The following TOP2B variants were observed in gnomAD, a reference collection of about 807,000 sequenced individuals.
The protein encoded by TOP2B is DNA topoisomerase II beta.
Under a neutral mutation model 193.5 loss-of-function variants are expected in TOP2B, and 51 were observed. The ratio of observed to expected loss-of-function variants is 0.26; its 90% CI spans 0.21 to 0.33. TOP2B has a LOEUF of 0.33. Among genes scored for constraint, TOP2B ranks in the 10% least tolerant of loss-of-function variants. The pLI is 1.00. For missense variants in TOP2B, 1,378 were observed against 1,909.3 expected, an observed-to-expected ratio of 0.72 and a Z score of 5.19; for synonymous variants, 634 against 635.7, an observed-to-expected ratio of 1.00 and a Z score of 0.04.
At chr3:25,641,206 A>C (rs1703253413) in intron 4 of TOP2B, among the ~76,000 whole-genome samples, 1 of 151,946 alleles carries the variant, frequency 6.6e-6, no homozygotes, top group African/African-American at 2.4e-5. Flanking sequence ...AAAAGAACTA[A>C]ACAATTGCAA....
At chr3:25,601,483 G>C (rs1471370992) in intron 33 of TOP2B, among the ~76,000 whole-genome samples, 1 of 152,168 alleles carries the variant, frequency 6.6e-6, no homozygotes, top group East Asian at 1.9e-4. Flanking sequence ...GCCAGGTGTG[G>C]TGGCAGATGC....
chr3:25,649,454 T>C (rs1465504643), intron 1 of TOP2B, among the ~76,000 whole-genome samples: 2 of 152,000 alleles, frequency 1.3e-5, no homozygotes, highest in East Asian at 3.9e-4. Context: ...ATAATTATAC[T>C]GTCAAAAGTC....
chr3:25,626,795 G>A lies in TOP2B; in HGVS notation c.2086C>T (p.Arg696Cys). Reference protein sequence around the residue: ...LTNFMEDRRQRRLHGLPEQFL... With the variant: ...LTNFMEDRRQCRLHGLPEQFL... Reference sequence around the variant, plus strand: ...ACCTCTGGTAAGCCATGTAGCCTACGCTGTCTCCGGTCTTCCATAAAATTT... The same window carrying A: ...ACCTCTGGTAAGCCATGTAGCCTACACTGTCTCCGGTCTTCCATAAAATTT... The change falls in exon 17 of 36, where the codon CGT becomes TGT. Residue 696 changes from arginine (R) to cysteine (C), a missense_variant. Around this residue, in one of 9 missense-constraint regions of TOP2B, gnomAD observed 379 missense variants for 615.1 expected, o/e 0.62. Coordinates refer to ENST00000264331, the MANE Select transcript of TOP2B (RefSeq NM_001330700.2). 6 of 1,608,210 alleles carry A rather than the reference G, an allele frequency of 3.7e-6. No individual in the cohort carries two copies. The highest frequency in any genetic ancestry group is 5.1e-6 in the Non-Finnish European group (6 of 1,177,402).
Position 25,632,345 on chromosome 3 carries a change from G to A in TOP2B, c.1266+101C>T, listed in dbSNP as rs572645138. Reference sequence around the variant, plus strand: ...TAGTGCAAGCATGCTTATACCCACAGTTAATACGATGAAAGAAACTAATCA... The same window carrying A: ...TAGTGCAAGCATGCTTATACCCACAATTAATACGATGAAAGAAACTAATCA... On this transcript the variant is annotated intron_variant, in intron 10 of 35. Transcript: ENST00000264331. 1.3e-4 allele frequency: 137 copies of A among 1,041,838 alleles called. 1 individual carries two copies. The South Asian group carries it at 1.9e-3, about 14-fold the overall frequency. The allele number at this position is 1,041,838 out of a possible 1,614,324, so 64.5% of individuals were successfully genotyped here.
intron 28 of TOP2B, among the ~76,000 whole-genome samples, chr3:25,611,250 G>A (rs1483382099): frequency 2.0e-5 from 3 of 152,162 alleles, no homozygotes; most frequent in South Asian, 2.1e-4. Flanking sequence ...TCTGACAAAC[G>A]CCAACTGAAA....
chr3:25,659,889 AC>A (rs1325318499), intron 1 of TOP2B, among the ~76,000 whole-genome samples: 15 of 152,326 alleles, frequency 9.8e-5, no homozygotes, highest in African/African-American at 2.6e-4. Context: ...CTGTGCCTTA[AC>A]CATGTGCCTA....
At chr3:25,619,724 A>C (rs1257635641) in intron 23 of TOP2B, 138 bp downstream of exon 23, 1 of 624,378 alleles carries the variant, frequency 1.6e-6, no homozygotes, top group African/African-American at 1.9e-5. Flanking sequence ...ATCTTCAGCA[A>C]ATCTGCAGGA....
At chr3:25,640,539 A>T (rs1453312086) in intron 4 of TOP2B, among the ~76,000 whole-genome samples, 1 of 152,156 alleles carries the variant, frequency 6.6e-6, no homozygotes, top group Admixed American at 6.5e-5. Context: ...AGAAGCAAAT[A>T]AACTTAGTTA....
chr3:25,644,817 T>C (rs113804922), intron 2 of TOP2B, among the ~76,000 whole-genome samples: 47,683 of 151,350 alleles, frequency 0.32, 7,859 homozygotes, highest in African/African-American at 0.41. Context: ...TGTTTTGAGA[T>C]GGAGTCTCGC....
chr3:25,599,664 G>A (rs1702039558), intron 34 of TOP2B, 135 bp from the exon 35 acceptor site: 4 of 759,350 alleles, frequency 5.3e-6, no homozygotes, highest in Non-Finnish European at 8.1e-6. Flanking sequence ...TACTATGAGT[G>A]ATTATAAACA....
chr3:25,648,908 A>C (rs1444217806), intron 1 of TOP2B, among the ~76,000 whole-genome samples: 1 of 152,210 alleles, frequency 6.6e-6, no homozygotes, highest in Non-Finnish European at 1.5e-5. Context: ...AAAGAAATGG[A>C]AATATATTGT....
chr3:25,605,327 GCAGA>G, intron 32 of TOP2B, among the ~76,000 whole-genome samples: 1 of 152,070 alleles, frequency 6.6e-6, no homozygotes, highest in African/African-American at 2.4e-5. Flanking sequence ...AATTTAAAAG[GCAGA>G]CAGGCTTACC....
chr3:25,638,573 C>T lies in TOP2B; in HGVS notation c.396-263G>A, dbSNP rs144667676. The stretch of plus-strand genomic sequence containing the variant: ...AGGCAAGGAATGGAAAATTACAGAT[C>T]TTAAACATCTCAGGATGACAAAAAA... On this transcript the variant is annotated intron_variant, in intron 4 of 35. Transcript: ENST00000264331. Among the ~76,000 whole-genome samples the T allele has an allele frequency of 3.3e-5, 5 of 151,840 alleles. No homozygotes were observed. In the East Asian group the frequency reaches 9.7e-4, roughly 29 times the overall value.
chr3:25,660,150 C>G (rs890970676), intron 1 of TOP2B, among the ~76,000 whole-genome samples: 1 of 152,136 alleles, frequency 6.6e-6, no homozygotes, highest in Non-Finnish European at 1.5e-5. Flanking sequence ...CTAAATACTG[C>G]TATATCATGT....
At chr3:25,664,154 C>G (rs924086165) in intron 1 of TOP2B, 75 bp downstream of exon 1, 3 of 1,527,770 alleles carry the variant, frequency 2.0e-6, no homozygotes, top group African/African-American at 1.4e-5. Context: ...TTCCCCTCCC[C>G]CGCCCGTTCG....
intron 1 of TOP2B, among the ~76,000 whole-genome samples, chr3:25,663,944 AAG>A (rs910326444): frequency 2.9e-5 from 3 of 103,606 alleles, no homozygotes; most frequent in African/African-American, 1.9e-4. Flanking sequence ...TTAAAAAGAA[AAG>A]AGAGGAAGCG....
chr3:25,648,786 CAGA>C (rs1243575787), intron 1 of TOP2B, among the ~76,000 whole-genome samples: 2 of 152,084 alleles, frequency 1.3e-5, no homozygotes, highest in Non-Finnish European at 2.9e-5. Flanking sequence ...TGCCTGAGCC[CAGA>C]AGGTCGAGGC....
intron 7 of TOP2B, among the ~76,000 whole-genome samples, chr3:25,635,405 T>G (rs1703078614): frequency 6.6e-6 from 1 of 152,232 alleles, no homozygotes. Context: ...CTCACAGATT[T>G]TGTAACATGT....
chr3:25,660,809 T>C (rs1480311251), intron 1 of TOP2B, among the ~76,000 whole-genome samples: 1 of 152,142 alleles, frequency 6.6e-6, no homozygotes, highest in African/African-American at 2.4e-5. Context: ...ACTCCAAAAA[T>C]ATGTTATATA....
Sources: gnomAD v4.1 joint callset for allele counts (sites outside exome capture counted in the v4.1 genomes callset) on GRCh38, gnomAD v4.1.1 for gene constraint, gnomAD v4.1.1 regional missense constraint, MANE v1.5 for transcripts, NCBI Gene and HGNC (gene_info 2026-07-23, HGNC 2026-07-21) for gene names.